POGLUT1: variants seen among roughly 807,000 people sequenced by gnomAD.
The protein encoded by POGLUT1 is protein O-glucosyltransferase 1, also known as 9630046K23Rik.
Under a neutral mutation model 61.3 loss-of-function variants are expected in POGLUT1, and 32 were observed. That is an observed-to-expected ratio of 0.52 (90% CI 0.39 to 0.70). The LOEUF (loss-of-function observed/expected upper bound fraction) is 0.70. POGLUT1 is among the 30% of genes least tolerant of loss of function. POGLUT1 has a pLI of 0.00. For synonymous variants in POGLUT1, 158 were observed against 158.2 expected (o/e 1.00, Z 0.01); for missense variants, 411 against 469.8 (o/e 0.87, Z 1.16).
At chr3:119,486,363 C>T (rs550551562) in intron 6 of POGLUT1, among the ~76,000 whole-genome samples, 87 of 152,192 alleles carry the variant, frequency 5.7e-4, no homozygotes, top group Non-Finnish European at 9.9e-4. Context: ...CACATACAGT[C>T]GTCAGGTTTT....
At chr3:119,492,174 T>C in intron 10 of POGLUT1, 108 bp from the exon 11 acceptor site, 1 of 720,682 alleles carries the variant, frequency 1.4e-6, no homozygotes, top group Admixed American at 3.0e-5. Flanking sequence ...TGAATTAATT[T>C]ATATAAAATG....
chr3:119,492,255 C>T (rs2081758136), intron 10 of POGLUT1, 27 bp from the exon 11 acceptor site: 4 of 1,564,288 alleles, frequency 2.6e-6, no homozygotes, highest in Admixed American at 1.9e-5. Flanking sequence ...TGTGCTTTAA[C>T]ATTTTCTTGT....
chr3:119,491,861 C>T (rs559434585), intron 10 of POGLUT1, among the ~76,000 whole-genome samples: 242 of 152,190 alleles, frequency 1.6e-3, no homozygotes, highest in African/African-American at 5.6e-3. Context: ...TCAAGACCAG[C>T]CTAGCCATGG....
intron 2 of POGLUT1, among the ~76,000 whole-genome samples, chr3:119,470,721 A>C (rs1273690608): frequency 6.6e-6 from 1 of 152,244 alleles, no homozygotes; most frequent in African/African-American, 2.4e-5. Context: ...CAGATTCTTC[A>C]TCAGCTAAAT....
rs6799315 is a variant in POGLUT1 at position 119,477,590 on chromosome 3, G to A, written c.456+142G>A. ...CAGAAATGGGTCTGTGTCTCTATTA[G>A]CATCACAGTGATTGAGCAAAAAGAC... On this transcript the variant is annotated intron_variant, in intron 4 of 10. Transcript: ENST00000295588. The A allele has an allele frequency of 0.055, 39,888 of 725,340 alleles. 1,339 individuals carry two copies. Among genetic ancestry groups the A allele is most frequent in the Middle Eastern group, 0.086 (212 of 2,460 alleles). The allele number at this position is 725,340 out of a possible 1,614,324, so 44.9% of individuals were successfully genotyped here. A position where few individuals can be genotyped will look rare whatever the true frequency, so the allele number is the denominator to read the frequency against.
At chr3:119,489,058 A>C in intron 8 of POGLUT1, 71 bp downstream of exon 8, 2 of 831,466 alleles carry the variant, frequency 2.4e-6, no homozygotes, top group Non-Finnish European at 4.0e-6. Context: ...TTTGGGTGAG[A>C]ACTTTAATAT....
At chr3:119,489,013 T>G in intron 8 of POGLUT1, 26 bp downstream of exon 8, 1 of 1,417,034 alleles carries the variant, frequency 7.1e-7, no homozygotes, top group African/African-American at 1.4e-5. Context: ...CTCCTCACTT[T>G]CTTGGTTTCC....
At chr3:119,490,751 A>C (rs749268583) in intron 9 of POGLUT1, 33 bp downstream of exon 9, 23 of 1,589,254 alleles carry the variant, frequency 1.4e-5, no homozygotes, top group Non-Finnish European at 1.7e-5. Context: ...AGAGTTTCTA[A>C]AGACCCTTCC....
chr3:119,470,432 T>A (rs2081456792), intron 2 of POGLUT1, among the ~76,000 whole-genome samples: 1 of 152,040 alleles, frequency 6.6e-6, no homozygotes, highest in Non-Finnish European at 1.5e-5. Flanking sequence ...AAAAATTAGC[T>A]GGGCATGATG....
intron 9 of POGLUT1, among the ~76,000 whole-genome samples, chr3:119,491,163 T>A (rs551075623): frequency 1.3e-3 from 199 of 148,184 alleles, no homozygotes; most frequent in African/African-American, 4.7e-3. Context: ...GATATCTGTG[T>A]ATATATATTT....
rs575273401 is a variant in POGLUT1, at chr3:119,494,582, A to G, written c.*2144A>G. 3.3e-5 allele frequency: 5 copies of G among 152,620 alleles called. No homozygotes were observed. Among genetic ancestry groups the G allele is most frequent in the Non-Finnish European group, 5.9e-5 (4 of 68,012 alleles). The allele number at this position is 152,620 out of a possible 1,614,324, so 9.5% of individuals were successfully genotyped here. ...TTTCCCCACAACTTTTGAAGGTTTT[A>G]TTTGTTGTTGTTATTACTAGTTCAG... On this transcript the variant is annotated 3_prime_UTR_variant, in exon 11 of 11. Transcript: ENST00000295588.
chr3:119,469,785 A>T (rs2107703758), intron 1 of POGLUT1, 35 bp from the exon 2 acceptor site: 1 of 1,201,888 alleles, frequency 8.3e-7, no homozygotes, highest in Non-Finnish European at 1.2e-6. Context: ...ATTCAGGAAA[A>T]TTTTTTTAAC....
chr3:119,476,785 G>A (rs975186696), intron 3 of POGLUT1, among the ~76,000 whole-genome samples: 8 of 152,152 alleles, frequency 5.3e-5, no homozygotes, highest in African/African-American at 7.2e-5. Flanking sequence ...TTTCTGGCTT[G>A]CAGAACTGAT....
At chr3:119,473,235 T>C (rs1460883840) in intron 3 of POGLUT1, among the ~76,000 whole-genome samples, 2 of 152,248 alleles carry the variant, frequency 1.3e-5, no homozygotes, top group Non-Finnish European at 2.9e-5. Context: ...ATTGTGAGTC[T>C]AGGAGAATTT....
chr3:119,480,098 AG>A lies in POGLUT1; in HGVS notation c.509del (p.Gly170AspfsTer23). On this transcript the variant is annotated frameshift_variant, in exon 5 of 11. Coordinates refer to ENST00000295588, the MANE Select transcript of POGLUT1 (RefSeq NM_152305.3). LOFTEE classifies it high-confidence loss of function. Reference sequence around the variant, plus strand: ...TGTATCCTGCTTGGACATTTTGGGAAGGGGGACCTGCTGTTTGGCCAATTTA... The same window carrying A: ...TGTATCCTGCTTGGACATTTTGGGAAGGGGACCTGCTGTTTGGCCAATTTA... ...IMYPAWTFWE[G>X]GPAVWPIYPT... 6.2e-7 allele frequency: 1 copy of A among 1,613,310 alleles called. No homozygotes were observed. The highest frequency in any genetic ancestry group is 8.5e-7 in the Non-Finnish European group (1 of 1,179,686).
chr3:119,479,220 G>A (rs1381782071), intron 4 of POGLUT1, among the ~76,000 whole-genome samples: 1 of 151,950 alleles, frequency 6.6e-6, no homozygotes, highest in East Asian at 1.9e-4. Flanking sequence ...GTGAGCCACC[G>A]TGCCCAACCT....
rs2081762735 is a variant in POGLUT1, at chr3:119,492,476, G to A, written c.*38G>A. On this transcript the variant is annotated 3_prime_UTR_variant, in exon 11 of 11. Transcript: ENST00000295588. Reference sequence around the variant, plus strand: ...GACCATAGTCCTCTTTGTGGCAACAGATCTCAGATATCCTACGGTGAGAAG... The same window carrying A: ...GACCATAGTCCTCTTTGTGGCAACAAATCTCAGATATCCTACGGTGAGAAG... 1 of 1,402,936 alleles carries A rather than the reference G, an allele frequency of 7.1e-7. No homozygotes were observed. The highest frequency in any genetic ancestry group is 9.7e-7 in the Non-Finnish European group (1 of 1,026,222). 86.9% of individuals were successfully genotyped at this position (1,402,936 alleles called of 1,614,324 possible). A position where few individuals can be genotyped will look rare whatever the true frequency, so the allele number is the denominator to read the frequency against.
At chr3:119,480,445 T>G (rs537956452) in intron 5 of POGLUT1, among the ~76,000 whole-genome samples, 1 of 151,882 alleles carries the variant, frequency 6.6e-6, no homozygotes, top group Admixed American at 6.6e-5. Context: ...ACGGGGTGTC[T>G]CCATGTTGGT....
At chr3:119,487,137 T>C (rs2081674592) in intron 7 of POGLUT1, 8 of 563,610 alleles carry the variant, frequency 1.4e-5, no homozygotes, top group Non-Finnish European at 2.2e-5. Flanking sequence ...ACTAGTATAT[T>C]GCACTACTTT....
Sources: gnomAD v4.1 joint callset for allele counts (sites outside exome capture counted in the v4.1 genomes callset) on GRCh38, gnomAD v4.1.1 for gene constraint, MANE v1.5 for transcripts, NCBI Gene and HGNC (gene_info 2026-07-23, HGNC 2026-07-21) for gene names.